The following GABBR2 variants were observed in gnomAD, a reference collection of about 807,000 sequenced individuals.
GABBR2 encodes G-protein coupled receptor 51.
Under a neutral mutation model 105.6 loss-of-function variants are expected in GABBR2, and 23 were observed. That is an observed-to-expected ratio of 0.22 (90% CI 0.16 to 0.31). The LOEUF (loss-of-function observed/expected upper bound fraction) is 0.31, where lower values mean the gene tolerates loss of function less well. Ranked by LOEUF, GABBR2 falls within the 10% of genes least tolerant of loss-of-function variation. GABBR2 has a pLI of 1.00. For missense variants in GABBR2, 734 were observed against 1,245.5 expected (o/e 0.59, Z 6.18); for synonymous variants, 478 against 499.7 (o/e 0.96, Z 0.58).
intron 2 of GABBR2, among the ~76,000 whole-genome samples, chr9:98,554,069 G>T (rs138397238): frequency 6.6e-6 from 1 of 152,142 alleles, no homozygotes; most frequent in South Asian, 2.1e-4. Context: ...ACTCAAAGCC[G>T]CATGTTAACA....
chr9:98,445,843 A>G (rs1240379176), intron 7 of GABBR2, among the ~76,000 whole-genome samples: 2 of 152,244 alleles, frequency 1.3e-5, no homozygotes, highest in Non-Finnish European at 2.9e-5. Context: ...GCCCTCTGAA[A>G]CTGAGCTCAG....
chr9:98,707,921 G>A (rs1013706385), intron 1 of GABBR2, among the ~76,000 whole-genome samples: 6 of 152,340 alleles, frequency 3.9e-5, no homozygotes, highest in Admixed American at 2.6e-4. Flanking sequence ...AGCCCCTTGG[G>A]TTCCGGAGCC....
chr9:98,692,038 T>C (rs571246040), intron 1 of GABBR2, among the ~76,000 whole-genome samples: 198 of 152,330 alleles, frequency 1.3e-3, no homozygotes, highest in African/African-American at 4.5e-3. Flanking sequence ...GTAGCCGTCC[T>C]GTGAAGCAGG....
intron 1 of GABBR2, among the ~76,000 whole-genome samples, chr9:98,613,147 G>A (rs888216344): frequency 6.6e-6 from 1 of 152,180 alleles, no homozygotes; most frequent in Admixed American, 6.5e-5. Flanking sequence ...CCATCAAAAG[G>A]TGAGTTGGCA....
At chr9:98,631,036 A>AT (rs2099886564) in intron 1 of GABBR2, among the ~76,000 whole-genome samples, 2 of 152,224 alleles carry the variant, frequency 1.3e-5, no homozygotes, top group Admixed American at 1.3e-4. Flanking sequence ...TCTACTGCAT[A>AT]GCGCTGCTGG....
intron 13 of GABBR2, among the ~76,000 whole-genome samples, chr9:98,343,586 G>C: frequency 6.6e-6 from 1 of 152,170 alleles, no homozygotes; most frequent in East Asian, 1.9e-4. Flanking sequence ...CTGGCCGGGC[G>C]CGGTGGCTCA....
At position 98,306,036 on chromosome 9, in the gene GABBR2, C is replaced by T; in HGVS notation, c.2229+85G>A. On this transcript the variant is annotated intron_variant, in intron 15 of 18. Transcript: ENST00000259455. This position sits in a 1 kb window ranked among gnomAD's most constrained non-coding sequence, Gnocchi z 5.4. ...ATAAAAAAAAAAAGGAATGGGTAAA[C>T]CTTTTAGAGAATGGAGAAAAGCCAG... is the stretch of plus-strand genomic sequence containing the variant. 1.2e-6 allele frequency: 1 copy of T among 868,642 alleles called. No individual in the cohort carries two copies. Among genetic ancestry groups the T allele is most frequent in the South Asian group, 1.6e-5 (1 of 63,488 alleles). The allele number at this position is 868,642 out of a possible 1,614,324, so 53.8% of individuals were successfully genotyped here.
Position 98,513,465 on chromosome 9 carries a change from A to T in GABBR2, c.631-16951T>A, listed in dbSNP as rs542069857. On this transcript the variant is annotated intron_variant, in intron 3 of 18. Transcript: ENST00000259455. ...AAAAGAAACTACCATCAGAGTGAAC[A>T]GGCAACCTACAGAATGGGAGAAAAT... Among the ~76,000 whole-genome samples the T allele has an allele frequency of 5.3e-5, 8 of 152,266 alleles. No individual in the cohort carries two copies. The East Asian group carries it at 9.6e-4, about 18-fold the overall frequency.
chr9:98,325,748 C>T (rs1830911286), intron 13 of GABBR2, among the ~76,000 whole-genome samples: 1 of 152,210 alleles, frequency 6.6e-6, no homozygotes, highest in Admixed American at 6.5e-5. Flanking sequence ...AGTTATCTGG[C>T]AGCCAAACCA....
intron 1 of GABBR2, among the ~76,000 whole-genome samples, chr9:98,663,656 C>CT (rs1367959623): frequency 1.6e-5 from 1 of 62,784 alleles, no homozygotes; most frequent in Non-Finnish European, 3.4e-5. Flanking sequence ...AGCTGCCCCA[C>CT]TAAAAAAAAA....
At chr9:98,417,285 G>C (rs1218204800) in intron 7 of GABBR2, among the ~76,000 whole-genome samples, 1 of 152,202 alleles carries the variant, frequency 6.6e-6, no homozygotes, top group African/African-American at 2.4e-5. Flanking sequence ...TGCTCAGTTA[G>C]CTCCCCAGGG....
intron 3 of GABBR2, among the ~76,000 whole-genome samples, chr9:98,505,613 T>C (rs1827494510): frequency 6.6e-6 from 1 of 152,140 alleles, no homozygotes; most frequent in African/African-American, 2.4e-5. Flanking sequence ...AACTGAAGGA[T>C]CTTGGGATGA....
In GABBR2 at chr9:98,491,966, G is replaced by A. The variant is rs191197953; in HGVS notation, c.732+4447C>T. ...AGACTTCAGGATTAGCTTCAAGAAG[G>A]GGACCTGGCTGGAACATCGTGTGAG... On this transcript the variant is annotated intron_variant, in intron 4 of 18. Transcript: ENST00000259455. Among the ~76,000 whole-genome samples, 40 of 152,204 alleles carry A rather than the reference G, an allele frequency of 2.6e-4. 1 individual carries two copies. The highest frequency in any genetic ancestry group is 9.4e-4 in the African/African-American group (39 of 41,532).
intron 1 of GABBR2, among the ~76,000 whole-genome samples, chr9:98,670,900 T>C (rs1830398956): frequency 6.6e-6 from 1 of 152,174 alleles, no homozygotes; most frequent in African/African-American, 2.4e-5. Flanking sequence ...GTTATGGACA[T>C]GGGTGGTGGT....
At chr9:98,299,182 AACC>A in intron 17 of GABBR2, 39 bp downstream of exon 17, 1 of 1,585,446 alleles carries the variant, frequency 6.3e-7, no homozygotes, top group Non-Finnish European at 8.7e-7. Context: ...TGGTGTTTGA[AACC>A]AAGGTCCCTA....
chr9:98,379,515 C>T (rs143639297), intron 11 of GABBR2, among the ~76,000 whole-genome samples: 5 of 152,304 alleles, frequency 3.3e-5, no homozygotes, highest in East Asian at 1.9e-4. Context: ...GTGATCCACC[C>T]GCCTCAGCTT....
chr9:98,536,990 C>T (rs1828193829), intron 3 of GABBR2, among the ~76,000 whole-genome samples: 1 of 152,170 alleles, frequency 6.6e-6, no homozygotes, highest in African/African-American at 2.4e-5. Flanking sequence ...TCAAGGTCTC[C>T]CACCACCAGA....
At chr9:98,657,047 C>A (rs1421402805) in intron 1 of GABBR2, among the ~76,000 whole-genome samples, 1 of 152,202 alleles carries the variant, frequency 6.6e-6, no homozygotes, top group African/African-American at 2.4e-5. Context: ...TTTTAAAAAT[C>A]CAAATTTTCA....
At chr9:98,292,944 C>T (rs534676701) in intron 18 of GABBR2, among the ~76,000 whole-genome samples, 7 of 152,204 alleles carry the variant, frequency 4.6e-5, no homozygotes, top group Non-Finnish European at 1.0e-4. Flanking sequence ...TGACAAATTC[C>T]ATGTAACTCT....
Sources: gnomAD v4.1 joint callset for allele counts (sites outside exome capture counted in the v4.1 genomes callset) on GRCh38, gnomAD v4.1.1 for gene constraint, Gnocchi (gnomAD v3.1) non-coding constraint, MANE v1.5 for transcripts, NCBI Gene and HGNC (gene_info 2026-07-23, HGNC 2026-07-21) for gene names.